The following UNC5A variants were observed in gnomAD, a reference collection of about 807,000 sequenced individuals.
UNC5A encodes the protein unc-5 netrin receptor A.
Under a neutral mutation model 87.4 loss-of-function variants are expected in UNC5A, and 20 were observed. The ratio of observed to expected loss-of-function variants is 0.23; its 90% CI spans 0.16 to 0.33. UNC5A has a LOEUF of 0.33. Ranked by LOEUF, UNC5A falls within the 10% of genes least tolerant of loss-of-function variation. The pLI, the probability that UNC5A is intolerant of heterozygous loss-of-function variation, is 1.00. For synonymous variants in UNC5A, 438 were observed against 482.3 expected (o/e 0.91, Z 1.20); for missense variants, 844 against 1,133.4 (o/e 0.74, Z 3.67).
chr5:176,863,312 G>A (rs923464979), intron 2 of UNC5A, among the ~76,000 whole-genome samples: 1 of 152,248 alleles, frequency 6.6e-6, no homozygotes, highest in Non-Finnish European at 1.5e-5. Context: ...AGGAAAGCCT[G>A]GAGGCAGACG....
chr5:176,817,270 T>A (rs1428606899), intron 1 of UNC5A, among the ~76,000 whole-genome samples: 4 of 103,294 alleles, frequency 3.9e-5, no homozygotes, highest in Non-Finnish European at 5.5e-5. Flanking sequence ...AATATGTAGC[T>A]GAGATGGGGA....
chr5:176,859,835 G>A (rs1350090446), intron 1 of UNC5A, among the ~76,000 whole-genome samples: 1 of 152,078 alleles, frequency 6.6e-6, no homozygotes, highest in South Asian at 2.1e-4. Context: ...GAATGTCCTT[G>A]CTAGAGGGCA....
chr5:176,858,920 G>A (rs73341803), intron 1 of UNC5A, among the ~76,000 whole-genome samples: 18 of 152,084 alleles, frequency 1.2e-4, no homozygotes, highest in Admixed American at 7.2e-4. Context: ...GACACCGAGG[G>A]GGGGACAGAC....
chr5:176,817,625 CCCT>C (rs1447058186), intron 1 of UNC5A, among the ~76,000 whole-genome samples: 3 of 151,902 alleles, frequency 2.0e-5, no homozygotes, highest in African/African-American at 7.3e-5. Context: ...GGGTAGCAGC[CCCT>C]CCTCAGCGCG....
At chr5:176,877,400 G>A in intron 9 of UNC5A, 121 bp downstream of exon 9, 3 of 1,328,846 alleles carry the variant, frequency 2.3e-6, no homozygotes, top group Admixed American at 2.1e-5. Context: ...AAAGAGCTAT[G>A]CCTAAGCCCC....
chr5:176,831,144 TAGA>T (rs1757012490), intron 1 of UNC5A, among the ~76,000 whole-genome samples: 1 of 152,044 alleles, frequency 6.6e-6, no homozygotes, highest in African/African-American at 2.4e-5. Context: ...GGAAAATAAC[TAGA>T]AGCTTTTATC....
At chr5:176,867,028 G>A (rs921310598) in intron 2 of UNC5A, among the ~76,000 whole-genome samples, 2 of 152,156 alleles carry the variant, frequency 1.3e-5, no homozygotes, top group African/African-American at 2.4e-5. Flanking sequence ...GAAATTAAGA[G>A]GGAAACAGCC....
intron 1 of UNC5A, among the ~76,000 whole-genome samples, chr5:176,853,605 C>A (rs976939406): frequency 2.0e-5 from 3 of 152,240 alleles, no homozygotes; most frequent in African/African-American, 7.2e-5. Flanking sequence ...GAGTGCCGTG[C>A]TTGCCTGTAT....
intron 1 of UNC5A, among the ~76,000 whole-genome samples, chr5:176,843,474 C>T (rs1047988266): frequency 9.3e-5 from 14 of 150,140 alleles, no homozygotes; most frequent in Admixed American, 4.6e-4. Flanking sequence ...AAGGGGCTGG[C>T]GGGAACTTTA....
intron 1 of UNC5A, among the ~76,000 whole-genome samples, chr5:176,829,156 AGATGGATGGATGGATGGATGGATG>A (rs70991573): frequency 8.2e-6 from 1 of 122,250 alleles, no homozygotes; most frequent in African/African-American, 3.5e-5. Flanking sequence ...AAAGAAAGAA[AGATGGATGGATGGATGGATGGATG>A]GATGGATGGA....
chr5:176,828,241 T>G (rs927491813), intron 1 of UNC5A, among the ~76,000 whole-genome samples: 2 of 152,238 alleles, frequency 1.3e-5, no homozygotes, highest in Admixed American at 1.3e-4. Context: ...CCGAATACAT[T>G]AACATTTTCA....
In UNC5A at chr5:176,844,624, C is replaced by G. The variant is rs537125882; in HGVS notation, c.71-18000C>G. 6.6e-6 allele frequency among the ~76,000 whole-genome samples: 1 copy of G among 152,326 alleles called. No individual in the cohort carries two copies. The highest frequency in any genetic ancestry group is 2.4e-5 in the African/African-American group (1 of 41,576). Reference sequence around the variant, plus strand: ...GGTGTGACCCTGGCTTCCAATTCTTCAACAGGAGGTGGGAAACCATTGTTT... The same window carrying G: ...GGTGTGACCCTGGCTTCCAATTCTTGAACAGGAGGTGGGAAACCATTGTTT... On this transcript the variant is annotated intron_variant, in intron 1 of 14. Transcript: ENST00000329542. The surrounding 1 kb of genome is among the most constrained non-coding windows in gnomAD (Gnocchi z 4.2).
At chr5:176,854,185 G>A (rs1757612661) in intron 1 of UNC5A, among the ~76,000 whole-genome samples, 1 of 151,988 alleles carries the variant, frequency 6.6e-6, no homozygotes, top group South Asian at 2.1e-4. Flanking sequence ...CTCTTACTGT[G>A]CCACCCAGAT....
At position 176,877,715 on chromosome 5, in the gene UNC5A, A is replaced by G; in HGVS notation, c.1635+12A>G. 6.3e-7 allele frequency: 1 copy of G among 1,583,958 alleles called. No homozygotes were observed. Among genetic ancestry groups the G allele is most frequent in the Non-Finnish European group, 8.6e-7 (1 of 1,161,780 alleles). On this transcript the variant is annotated intron_variant, in intron 10 of 14. Transcript: ENST00000329542. ...AGGGCAGCTGGGAGGTGAGCAGGGA[A>G]CTGACCCGGGCTCCAGAAGGGAACG...
chr5:176,865,604 A>C lies in UNC5A; in HGVS notation c.293-2526A>C. ...CTCATCGATTTCTCAACCCAAAGCCATCGAGTGCTTTGAGGTGAAGAAAAA... is the reference window on the plus strand; with the variant it reads ...CTCATCGATTTCTCAACCCAAAGCCCTCGAGTGCTTTGAGGTGAAGAAAAA... On this transcript the variant is annotated intron_variant, in intron 2 of 14. Coordinates refer to ENST00000329542, the MANE Select transcript of UNC5A (RefSeq NM_133369.3). This position sits in a 1 kb window ranked among gnomAD's most constrained non-coding sequence, Gnocchi z 5.3. 2.2e-6 allele frequency: 1 copy of C among 456,904 alleles called. No individual in the cohort carries two copies. The highest frequency in any genetic ancestry group is 4.4e-6 in the Non-Finnish European group (1 of 227,026). 28.3% of individuals were successfully genotyped at this position (456,904 alleles called of 1,614,324 possible).
At chr5:176,816,098 G>C (rs1756579422) in intron 1 of UNC5A, among the ~76,000 whole-genome samples, 1 of 152,204 alleles carries the variant, frequency 6.6e-6, no homozygotes, top group Non-Finnish European at 1.5e-5. Context: ...TTGCCTCTCT[G>C]TATACTAAAG....
At position 176,838,213 on chromosome 5, in the gene UNC5A, G is replaced by A. The variant is rs1006416778; in HGVS notation, c.71-24411G>A. Among the ~76,000 whole-genome samples the A allele has an allele frequency of 1.3e-5, 2 of 152,198 alleles. No homozygotes were observed. The highest frequency in any genetic ancestry group is 2.9e-5 in the Non-Finnish European group (2 of 68,028). ...TTAACTCTGGGGGGAAGGAGCTGGA[G>A]AGGTGGGAAGTAGGGATTGGTGAGG... is the stretch of plus-strand genomic sequence containing the variant. On this transcript the variant is annotated intron_variant, in intron 1 of 14. Coordinates refer to ENST00000329542, the MANE Select transcript of UNC5A (RefSeq NM_133369.3). The surrounding 1 kb of genome is among the most constrained non-coding windows in gnomAD (Gnocchi z 4.2).
chr5:176,871,793 C>T (rs1161643415), intron 6 of UNC5A, among the ~76,000 whole-genome samples: 2 of 73,224 alleles, frequency 2.7e-5, no homozygotes, highest in Non-Finnish European at 7.0e-5. Flanking sequence ...TTCACATCTG[C>T]CCACACTCAC....
chr5:176,817,544 G>C (rs1240487858), intron 1 of UNC5A, among the ~76,000 whole-genome samples: 1 of 152,056 alleles, frequency 6.6e-6, no homozygotes, highest in African/African-American at 2.4e-5. Context: ...TCCCAGCTCT[G>C]CATCTTTCCA....
Sources: allele counts gnomAD v4.1 joint callset (sites outside exome capture counted in the v4.1 genomes callset), GRCh38; gene constraint gnomAD v4.1.1; non-coding constraint Gnocchi (gnomAD v3.1); transcripts MANE v1.5; gene names NCBI Gene and HGNC (gene_info 2026-07-23, HGNC 2026-07-21).